RC3H1: variants seen among roughly 807,000 people sequenced by gnomAD.
RC3H1 encodes the protein ring finger and CCCH-type domains 1.
RC3H1 carries 50 observed loss-of-function variants against 138.2 expected under a neutral mutation model. That is an observed-to-expected ratio of 0.36 (90% CI 0.29 to 0.46). The LOEUF (loss-of-function observed/expected upper bound fraction) is 0.46. Among genes scored for constraint, RC3H1 ranks in the 20% least tolerant of loss-of-function variants. The pLI, the probability that RC3H1 is intolerant of heterozygous loss-of-function variation, is 1.00. For synonymous variants in RC3H1, 462 were observed against 489.1 expected, an observed-to-expected ratio of 0.94 and a Z score of 0.73; for missense variants, 1,031 against 1,388.1, an observed-to-expected ratio of 0.74 and a Z score of 4.09.
In RC3H1 at chr1:173,943,519, T is replaced by A; in HGVS notation, c.3058A>T (p.Ile1020Phe). The change falls in exon 18 of 20, where the codon ATC (isoleucine) becomes TTC (phenylalanine). Residue 1020 changes from isoleucine to phenylalanine, a missense_variant. Coordinates refer to ENST00000367696, the MANE Select transcript of RC3H1 (RefSeq NM_172071.4). ...TCCAAGCTCAACTGCTCACTTGAGA[T>A]CATCCCAGGCCATTTTGGAGGTGGC... ...PPPPPKWPGMISSEQLSLELH... is the reference protein window; with the variant it reads ...PPPPPKWPGMFSSEQLSLELH... The A allele has an allele frequency of 6.2e-7, 1 of 1,614,192 alleles. No homozygotes were observed. The highest frequency in any genetic ancestry group is 8.5e-7 in the Non-Finnish European group (1 of 1,180,014).
intron 1 of RC3H1, chr1:174,009,156 T>C (rs1029306554): frequency 6.6e-6 from 1 of 152,106 alleles, no homozygotes; most frequent in East Asian, 1.9e-4. Flanking sequence ...GTGCATGTTA[T>C]AGGGAAGAGG....
chr1:173,990,571 A>AT (rs1442938178), intron 2 of RC3H1, among the ~76,000 whole-genome samples: 8 of 144,680 alleles, frequency 5.5e-5, no homozygotes, highest in African/African-American at 2.1e-4. Context: ...TATTATTATT[A>AT]TTATTTATTT....
chr1:173,970,377 A>T lies in RC3H1; in HGVS notation c.1334+128T>A, dbSNP rs571384403. 32 of 683,254 alleles carry T rather than the reference A, an allele frequency of 4.7e-5. No individual in the cohort carries two copies. The Admixed American group carries it at 8.1e-4, about 17-fold the overall frequency. The allele number at this position is 683,254 out of a possible 1,614,324, so 42.3% of individuals were successfully genotyped here. On this transcript the variant is annotated intron_variant, in intron 9 of 19. Coordinates refer to ENST00000367696, the MANE Select transcript of RC3H1 (RefSeq NM_172071.4). The stretch of plus-strand genomic sequence containing the variant: ...TCAGATTTTCAGAATAGGAATGTTC[A>T]AGCTGTGTTACATTCTAAAAATGTC...
intron 14 of RC3H1, among the ~76,000 whole-genome samples, chr1:173,948,877 T>C (rs1270385429): frequency 6.6e-6 from 1 of 152,162 alleles, no homozygotes; most frequent in Non-Finnish European, 1.5e-5. Flanking sequence ...TGAGTCACCA[T>C]GCCTGGCCCA....
intron 14 of RC3H1, among the ~76,000 whole-genome samples, chr1:173,951,280 G>A (rs545997704): frequency 9.5e-4 from 145 of 152,056 alleles, no homozygotes; most frequent in African/African-American, 2.2e-3. Context: ...AGCCGAGATC[G>A]CGCCATTGAA....
rs749505829 is a variant in RC3H1, at chr1:173,993,001, A to C, written c.-16T>G. The C allele has an allele frequency of 6.4e-7, 1 of 1,561,136 alleles. No homozygotes were observed. Among genetic ancestry groups the C allele is most frequent in the African/African-American group, 1.4e-5 (1 of 73,944 alleles). On this transcript the variant is annotated 5_prime_UTR_variant, in exon 2 of 20. The change creates a new upstream start codon in the 5' untranslated region. Transcript: ENST00000367696. ...GTACAGGCATTGCTTCTGGAGTTACAATTCACGAACACAAACACACACACA... is the reference window on the plus strand; with the variant it reads ...GTACAGGCATTGCTTCTGGAGTTACCATTCACGAACACAAACACACACACA...
At chr1:173,953,295 T>G (rs1372390964) in intron 13 of RC3H1, among the ~76,000 whole-genome samples, 1 of 152,114 alleles carries the variant, frequency 6.6e-6, no homozygotes, top group African/African-American at 2.4e-5. Flanking sequence ...TTTTTTGAGA[T>G]GGTGTCTCGC....
intron 1 of RC3H1, among the ~76,000 whole-genome samples, chr1:174,006,853 T>A (rs1350990158): frequency 6.6e-6 from 1 of 152,150 alleles, no homozygotes; most frequent in Non-Finnish European, 1.5e-5. Flanking sequence ...ATAAAATGAA[T>A]CATATATCTT....
intron 1 of RC3H1, among the ~76,000 whole-genome samples, chr1:174,005,442 T>C (rs1174128674): frequency 6.6e-6 from 1 of 152,228 alleles, no homozygotes; most frequent in Non-Finnish European, 1.5e-5. Context: ...ATAATTAAGA[T>C]AGTTTTACAT....
At chr1:173,939,816 C>T (rs1313862158) in intron 19 of RC3H1, among the ~76,000 whole-genome samples, 8 of 151,408 alleles carry the variant, frequency 5.3e-5, no homozygotes, top group Non-Finnish European at 7.4e-5. Flanking sequence ...GCCTGGGTGA[C>T]GGAGTGAGAC....
intron 3 of RC3H1, 143 bp from the exon 4 acceptor site, chr1:173,983,800 C>A (rs1233197544): frequency 2.6e-6 from 2 of 757,232 alleles, no homozygotes; most frequent in Non-Finnish European, 4.3e-6. Flanking sequence ...AATAAAACCA[C>A]ACATGTAAAG....
chr1:173,945,142 GAGAC>G (rs1484787228), intron 17 of RC3H1, among the ~76,000 whole-genome samples: 1 of 80,044 alleles, frequency 1.2e-5, no homozygotes, highest in Admixed American at 1.4e-4. Flanking sequence ...TTTTTTTTTT[GAGAC>G]AGAGTCTCAC....
chr1:173,972,441 G>T, intron 8 of RC3H1, 68 bp downstream of exon 8: 1 of 1,033,464 alleles, frequency 9.7e-7, no homozygotes, highest in Non-Finnish European at 1.5e-6. Context: ...TATACCCACA[G>T]TGGTTTACCT....
chr1:174,003,385 T>TCTCACACACACA (rs149830389), intron 1 of RC3H1, among the ~76,000 whole-genome samples: 71 of 143,318 alleles, frequency 5.0e-4, no homozygotes, highest in African/African-American at 1.7e-3. Flanking sequence ...AAGACTCCTA[T>TCTCACACACACA]CACACACACA....
At chr1:173,955,205 G>A (rs1169998545) in intron 13 of RC3H1, among the ~76,000 whole-genome samples, 2 of 116,660 alleles carry the variant, frequency 1.7e-5, no homozygotes, top group East Asian at 5.7e-4. Context: ...CAGCCCAGAC[G>A]ACAGTGTGAA....
rs143456092 is a variant in RC3H1, at chr1:173,950,542, T to C, written c.2523+1444A>G. On this transcript the variant is annotated intron_variant, in intron 14 of 19. Coordinates refer to ENST00000367696, the MANE Select transcript of RC3H1 (RefSeq NM_172071.4). ...AGTGTGAGGCTGCAGTGAGCTGTGA[T>C]TGTGACACTGTACTCCAGCATGAGG... Among the ~76,000 whole-genome samples the C allele has an allele frequency of 7.4e-5, 11 of 148,312 alleles. 1 individual carries two copies. In the East Asian group the frequency reaches 1.4e-3, roughly 20 times the overall value.
intron 2 of RC3H1, among the ~76,000 whole-genome samples, chr1:173,984,858 A>G (rs978203121): frequency 1.3e-5 from 2 of 152,332 alleles, no homozygotes; most frequent in South Asian, 4.1e-4. Context: ...TAAAGTACAT[A>G]CAATTCCCTG....
chr1:174,016,256 A>G (rs1661861120), intron 1 of RC3H1: 1 of 152,104 alleles, frequency 6.6e-6, no homozygotes, highest in South Asian at 2.1e-4. Flanking sequence ...TTAGCTTTCC[A>G]CTAAATGTTA....
At chr1:173,992,307 G>A (rs1045311888) in intron 2 of RC3H1, among the ~76,000 whole-genome samples, 1 of 151,954 alleles carries the variant, frequency 6.6e-6, no homozygotes, top group African/African-American at 2.4e-5. Flanking sequence ...ACCACACCCA[G>A]CTCATTTTTT....
Sources: allele counts gnomAD v4.1 joint callset (sites outside exome capture counted in the v4.1 genomes callset), GRCh38; gene constraint gnomAD v4.1.1; transcripts MANE v1.5; gene names NCBI Gene and HGNC (gene_info 2026-07-23, HGNC 2026-07-21).